The following WDR41 variants were observed in gnomAD, a reference collection of about 807,000 sequenced individuals.
The protein encoded by WDR41 is WD repeat-containing protein 41.
A neutral mutation model predicts 69.3 loss-of-function variants in WDR41; 63 were observed. That is an observed-to-expected ratio of 0.91 (90% CI 0.74 to 1.12). WDR41 has a LOEUF of 1.12. Ranked by LOEUF, WDR41 falls within the 50% of genes most tolerant of loss-of-function variation. The pLI, the probability that WDR41 is intolerant of heterozygous loss-of-function variation, is 0.00. For synonymous variants in WDR41, 185 were observed against 192.1 expected, an observed-to-expected ratio of 0.96 and a Z score of 0.31; for missense variants, 543 against 534.5, an observed-to-expected ratio of 1.02 and a Z score of -0.16.
intron 2 of WDR41, among the ~76,000 whole-genome samples, chr5:77,469,797 T>G (rs973549661): frequency 1.6e-4 from 25 of 152,172 alleles, no homozygotes; most frequent in African/African-American, 4.8e-4. Flanking sequence ...CAAATCTACG[T>G]CTGATTGGTG....
At chr5:77,495,342 G>C (rs1801919841), upstream of WDR41, among the ~76,000 whole-genome samples, 1 of 151,942 alleles carries the variant, frequency 6.6e-6, no homozygotes, top group Admixed American at 6.5e-5. Flanking sequence ...CCAAAAGTTG[G>C]TCTTTTGCAA....
At chr5:77,469,259 G>T (rs964875487) in intron 2 of WDR41, among the ~76,000 whole-genome samples, 12 of 152,116 alleles carry the variant, frequency 7.9e-5, no homozygotes, top group African/African-American at 2.9e-4. Flanking sequence ...GGGGTAGGGG[G>T]GAGGGATAGC....
chr5:77,485,885 T>A (rs1801495780), intron 2 of WDR41, among the ~76,000 whole-genome samples: 1 of 151,780 alleles, frequency 6.6e-6, no homozygotes, highest in Non-Finnish European at 1.5e-5. Flanking sequence ...TTCTGCAAAA[T>A]TTTCAATAAG....
chr5:77,620,500 T>C (rs1561242523), exon 1 of WDR41: 1 of 386,204 alleles, frequency 2.6e-6, no homozygotes, highest in Non-Finnish European at 5.0e-6. Flanking sequence ...CCCCTGGACT[T>C]GAACAATTAG....
intron 2 of WDR41, among the ~76,000 whole-genome samples, chr5:77,482,852 T>C (rs1411749367): frequency 7.1e-6 from 1 of 140,848 alleles, no homozygotes; most frequent in Non-Finnish European, 1.5e-5. Flanking sequence ...CCTCCCCACA[T>C]CTACCTGAAA....
At position 77,453,675 on chromosome 5, in the gene WDR41, G is replaced by A. The variant is rs555292061; in HGVS notation, c.523+142C>T. 1.7e-5 allele frequency: 11 copies of A among 641,362 alleles called. No homozygotes were observed. The Middle Eastern group carries it at 1.1e-3, about 63-fold the overall frequency. The allele number at this position is 641,362 out of a possible 1,614,324, so 39.7% of individuals were successfully genotyped here. On this transcript the variant is annotated intron_variant, in intron 6 of 12. Coordinates refer to ENST00000296679, the MANE Select transcript of WDR41 (RefSeq NM_018268.4). ...ATTTTACACAACCCCGATCTGAATT[G>A]AATATGGCTACCTGTTATCTTCAGA...
At chr5:77,529,854 T>G (rs946632349) in intron 1 of WDR41, among the ~76,000 whole-genome samples, 2 of 151,656 alleles carry the variant, frequency 1.3e-5, no homozygotes, top group South Asian at 2.1e-4. Context: ...CTTTATACGA[T>G]GTACCAAAAT....
At chr5:77,443,176 A>G (rs1253576151) in intron 8 of WDR41, among the ~76,000 whole-genome samples, 1 of 152,128 alleles carries the variant, frequency 6.6e-6, no homozygotes, top group African/African-American at 2.4e-5. Context: ...TAAAAATCAA[A>G]TTGAATAATA....
At chr5:77,468,217 T>C (rs879858919) in intron 2 of WDR41, among the ~76,000 whole-genome samples, 19 of 152,124 alleles carry the variant, frequency 1.2e-4, no homozygotes, top group Non-Finnish European at 2.6e-4. Context: ...TGATAGTCCA[T>C]AAGTCACTCG....
At chr5:77,524,564 C>G (rs55892243) in intron 1 of WDR41, among the ~76,000 whole-genome samples, 16,569 of 152,108 alleles carry the variant, frequency 0.11, 1,945 homozygotes, top group African/African-American at 0.27. Context: ...TGCACTTCAG[C>G]CTGGGTGACA....
chr5:77,544,146 GA>G (rs1743146400), intron 1 of WDR41, among the ~76,000 whole-genome samples: 1 of 151,982 alleles, frequency 6.6e-6, no homozygotes, highest in Non-Finnish European at 1.5e-5. Context: ...CTGCTAAAAG[GA>G]GCTCTAAATC....
intron 1 of WDR41, among the ~76,000 whole-genome samples, chr5:77,534,003 G>T (rs915791902): frequency 2.0e-5 from 3 of 152,084 alleles, no homozygotes; most frequent in African/African-American, 7.2e-5. Flanking sequence ...GTGTGGTTTT[G>T]AAAGGCATAC....
At chr5:77,490,350 G>A (rs182472986) in intron 1 of WDR41, among the ~76,000 whole-genome samples, 1 of 152,218 alleles carries the variant, frequency 6.6e-6, no homozygotes, top group African/African-American at 2.4e-5. Context: ...GATGCCAATA[G>A]AACTGCCCCT....
chr5:77,543,892 A>G (rs1449555885), intron 1 of WDR41, among the ~76,000 whole-genome samples: 1 of 152,154 alleles, frequency 6.6e-6, no homozygotes, highest in Non-Finnish European at 1.5e-5. Flanking sequence ...AAAAATCTTA[A>G]GAGCTGTGAG....
At chr5:77,510,187 G>A (rs1277615390) in intron 1 of WDR41, among the ~76,000 whole-genome samples, 5 of 152,340 alleles carry the variant, frequency 3.3e-5, no homozygotes, top group African/African-American at 1.2e-4. Flanking sequence ...TGGAAGGCAA[G>A]GAGCAGCAAG....
At chr5:77,484,007 G>C (rs778842905) in intron 2 of WDR41, among the ~76,000 whole-genome samples, 29 of 152,298 alleles carry the variant, frequency 1.9e-4, no homozygotes, top group South Asian at 6.2e-4. Context: ...CAAATGCCTA[G>C]AGTAAGGGTA....
chr5:77,537,522 G>A (rs1040527768), intron 1 of WDR41, among the ~76,000 whole-genome samples: 1 of 152,208 alleles, frequency 6.6e-6, no homozygotes, highest in African/African-American at 2.4e-5. Flanking sequence ...CGGACTCTGG[G>A]CTGTTGGAGT....
chr5:77,569,842 G>C (rs987764978), intron 1 of WDR41, among the ~76,000 whole-genome samples: 2 of 152,126 alleles, frequency 1.3e-5, no homozygotes, highest in Non-Finnish European at 2.9e-5. Context: ...TAGCTAGTTT[G>C]TTATCAAAGG....
At chr5:77,487,750 G>C (rs1056035479) in intron 2 of WDR41, among the ~76,000 whole-genome samples, 7 of 152,108 alleles carry the variant, frequency 4.6e-5, no homozygotes, top group Admixed American at 4.6e-4. Flanking sequence ...GGCCAAGGTG[G>C]AAAAATGAAC....
Sources: allele counts gnomAD v4.1 joint callset (sites outside exome capture counted in the v4.1 genomes callset), GRCh38; gene constraint gnomAD v4.1.1; transcripts MANE v1.5; gene names NCBI Gene and HGNC (gene_info 2026-07-23, HGNC 2026-07-21).